Variants in DGKI observed in about 807,000 individuals in gnomAD.
DGKI encodes DAG kinase iota.
Under a neutral mutation model 147.5 loss-of-function variants are expected in DGKI, and 55 were observed. That is an observed-to-expected ratio of 0.37 (90% CI 0.30 to 0.47). The LOEUF (loss-of-function observed/expected upper bound fraction) is 0.47, where lower values mean the gene tolerates loss of function less well. DGKI is among the 20% of genes least tolerant of loss of function. The pLI is 1.00. For missense variants in DGKI, 1,007 were observed against 1,323.8 expected (o/e 0.76, Z 3.71); for synonymous variants, 469 against 477.1 (o/e 0.98, Z 0.22).
intron 3 of DGKI, among the ~76,000 whole-genome samples, chr7:137,678,259 T>C (rs1010294625): frequency 1.3e-5 from 2 of 151,976 alleles, no homozygotes; most frequent in South Asian, 2.1e-4. Context: ...CACTACCTCG[T>C]ACACATTTAC....
At position 137,713,816 on chromosome 7, in the gene DGKI, A is replaced by C. The variant is rs181330709; in HGVS notation, c.402-23814T>G. On this transcript the variant is annotated intron_variant, in intron 1 of 32. Transcript: ENST00000614521. Reference sequence around the variant, plus strand: ...ATCACCATCTCTGACTTATCTATTTATTTGTAGATATGGGATCTCACTATG... The same window carrying C: ...ATCACCATCTCTGACTTATCTATTTCTTTGTAGATATGGGATCTCACTATG... 1.3e-5 allele frequency among the ~76,000 whole-genome samples: 2 copies of C among 152,106 alleles called. 1 individual carries two copies. Among genetic ancestry groups the C allele is most frequent in the Admixed American group, 1.3e-4 (2 of 15,266 alleles).
chr7:137,782,896 G>A (rs1199888536), intron 1 of DGKI, among the ~76,000 whole-genome samples: 4 of 152,104 alleles, frequency 2.6e-5, no homozygotes, highest in Admixed American at 1.3e-4. Context: ...ACTATAGTTC[G>A]GCTCTCAGGA....
intron 7 of DGKI, among the ~76,000 whole-genome samples, chr7:137,620,324 A>G (rs944608850): frequency 6.6e-6 from 1 of 152,206 alleles, no homozygotes; most frequent in Non-Finnish European, 1.5e-5. Context: ...CTGATTTTGC[A>G]CAAAATGTTC....
chr7:137,736,969 C>T (rs1258611310), intron 1 of DGKI, among the ~76,000 whole-genome samples: 1 of 152,006 alleles, frequency 6.6e-6, no homozygotes, highest in Admixed American at 6.6e-5. Flanking sequence ...CTCTTATAAG[C>T]CAGATTGAAT....
At chr7:137,476,580 A>T (rs532886213) in intron 23 of DGKI, among the ~76,000 whole-genome samples, 1 of 152,298 alleles carries the variant, frequency 6.6e-6, no homozygotes, top group South Asian at 2.1e-4. Context: ...TGCCATAGAG[A>T]TAATTTAGAA....
At chr7:137,444,815 T>G (rs1244994838) in intron 27 of DGKI, among the ~76,000 whole-genome samples, 1 of 152,210 alleles carries the variant, frequency 6.6e-6, no homozygotes, top group African/African-American at 2.4e-5. Flanking sequence ...GTTGAAATAC[T>G]TTGAGTAGTA....
chr7:137,659,434 A>C (rs1170865232), intron 3 of DGKI, among the ~76,000 whole-genome samples: 1 of 152,236 alleles, frequency 6.6e-6, no homozygotes, highest in Non-Finnish European at 1.5e-5. Flanking sequence ...TTCCGGACAG[A>C]AATTGCCCAA....
intron 24 of DGKI, among the ~76,000 whole-genome samples, chr7:137,467,353 G>A (rs1814699594): frequency 6.6e-6 from 1 of 152,182 alleles, no homozygotes; most frequent in Admixed American, 6.5e-5. Flanking sequence ...TTAAAAATCT[G>A]TTTCATTTAA....
intron 1 of DGKI, among the ~76,000 whole-genome samples, chr7:137,727,470 C>T (rs938787995): frequency 6.6e-6 from 1 of 152,088 alleles, no homozygotes; most frequent in African/African-American, 2.4e-5. Flanking sequence ...TATCACCCAT[C>T]GTCAAGAACA....
chr7:137,462,261 G>A (rs1481740045), intron 27 of DGKI, among the ~76,000 whole-genome samples: 2 of 152,066 alleles, frequency 1.3e-5, no homozygotes, highest in Non-Finnish European at 2.9e-5. Flanking sequence ...TTAGCCATTC[G>A]TGGGTGGCTG....
intron 15 of DGKI, 29 bp downstream of exon 15, chr7:137,581,821 G>A (rs772189415): frequency 3.8e-6 from 6 of 1,588,188 alleles, no homozygotes; most frequent in Admixed American, 1.7e-5. Context: ...CTTCCTCCCT[G>A]GGAGATGGAA....
At chr7:137,576,092 G>A (rs1346737257) in intron 17 of DGKI, among the ~76,000 whole-genome samples, 2 of 144,758 alleles carry the variant, frequency 1.4e-5, no homozygotes, top group Admixed American at 1.4e-4. Context: ...AGGCTGGAGT[G>A]CAGTGGTGCG....
At chr7:137,612,291 A>T (rs1820392136) in intron 8 of DGKI, among the ~76,000 whole-genome samples, 1 of 150,840 alleles carries the variant, frequency 6.6e-6, no homozygotes, top group Non-Finnish European at 1.5e-5. Flanking sequence ...ACCAAACCAA[A>T]TGCATCTGAG....
intron 1 of DGKI, among the ~76,000 whole-genome samples, chr7:137,838,914 G>A (rs946950432): frequency 1.3e-5 from 2 of 152,172 alleles, no homozygotes; most frequent in Admixed American, 6.5e-5. Flanking sequence ...CATGCCAGCC[G>A]GCCATTGTCT....
Position 137,426,685 on chromosome 7 carries a change from A to C in DGKI, c.2762-14478T>G, listed in dbSNP as rs1585103592. Among the ~76,000 whole-genome samples, 5 of 152,104 alleles carry C rather than the reference A, an allele frequency of 3.3e-5. No individual in the cohort carries two copies. In the Middle Eastern group the frequency reaches 0.014, roughly 414 times the overall value. ...ATGTGCAGTGACACACACAGGCTCA[A>C]AATAAAAGGATGGAGGAAGATCTAC... On this transcript the variant is annotated intron_variant, in intron 28 of 32. Transcript: ENST00000614521.
chr7:137,595,555 TA>T (rs1477170959), intron 12 of DGKI, among the ~76,000 whole-genome samples: 4 of 152,222 alleles, frequency 2.6e-5, no homozygotes, highest in African/African-American at 7.2e-5. Flanking sequence ...TCCGGACCCA[TA>T]ATTATACATT....
chr7:137,415,000 A>G (rs1395083162), intron 28 of DGKI, among the ~76,000 whole-genome samples: 1 of 152,212 alleles, frequency 6.6e-6, no homozygotes, highest in African/African-American at 2.4e-5. Flanking sequence ...GTGACTGCAC[A>G]TAAGTACATG....
At chr7:137,497,625 G>A (rs193159822) in intron 21 of DGKI, among the ~76,000 whole-genome samples, 6 of 152,058 alleles carry the variant, frequency 3.9e-5, no homozygotes, top group Admixed American at 6.5e-5. Flanking sequence ...AAAAAAATGC[G>A]ATCATGTCCT....
intron 20 of DGKI, among the ~76,000 whole-genome samples, chr7:137,544,342 G>A (rs1296541180): frequency 1.3e-5 from 2 of 152,038 alleles, no homozygotes; most frequent in Non-Finnish European, 2.9e-5. Flanking sequence ...TATTGAACTG[G>A]CCTATATAGA....
Sources: gnomAD v4.1 joint callset for allele counts (sites outside exome capture counted in the v4.1 genomes callset) on GRCh38, gnomAD v4.1.1 for gene constraint, MANE v1.5 for transcripts, NCBI Gene and HGNC (gene_info 2026-07-23, HGNC 2026-07-21) for gene names.